The following LUZP2 variants were observed in gnomAD, a reference collection of about 807,000 sequenced individuals.
LUZP2 encodes the protein leucine zipper protein 2.
A neutral mutation model predicts 51.6 loss-of-function variants in LUZP2; 52 were observed. The observed-to-expected ratio is 1.01, with a 90% CI of 0.81 to 1.27. LUZP2 has a LOEUF of 1.27. LUZP2 is among the 50% of genes most tolerant of loss of function. The pLI is 0.00. For synonymous variants in LUZP2, 154 were observed against 137.3 expected (o/e 1.12, Z -0.85); for missense variants, 436 against 395.4 (o/e 1.10, Z -0.87).
At chr11:24,791,723 C>A (rs867465143) in intron 5 of LUZP2, among the ~76,000 whole-genome samples, 1 of 151,882 alleles carries the variant, frequency 6.6e-6, no homozygotes, top group African/African-American at 2.4e-5. Context: ...CAGTTATTTT[C>A]TTTTATAGGA....
intron 9 of LUZP2, among the ~76,000 whole-genome samples, chr11:25,030,367 T>A (rs190620378): frequency 5.9e-4 from 90 of 152,300 alleles, no homozygotes; most frequent in African/African-American, 2.1e-3. Flanking sequence ...TAATTCAGCT[T>A]TTGCTCTTAT....
At chr11:24,837,999 G>A (rs1850908379) in intron 5 of LUZP2, among the ~76,000 whole-genome samples, 2 of 151,598 alleles carry the variant, frequency 1.3e-5, no homozygotes, top group Admixed American at 1.3e-4. Context: ...TATTAAACAT[G>A]TATATATCAG....
At chr11:24,603,575 G>T (rs1215945676) in intron 1 of LUZP2, among the ~76,000 whole-genome samples, 2 of 146,532 alleles carry the variant, frequency 1.4e-5, no homozygotes, top group Non-Finnish European at 3.1e-5. Flanking sequence ...TTATAAAATG[G>T]TACAGATATA....
At chr11:25,055,650 C>T (rs187329109) in intron 10 of LUZP2, among the ~76,000 whole-genome samples, 180 of 152,134 alleles carry the variant, frequency 1.2e-3, no homozygotes, top group African/African-American at 4.1e-3. Flanking sequence ...TATCTAATTT[C>T]GCTTATCAGT....
At chr11:24,796,551 G>A (rs1849551168) in intron 5 of LUZP2, among the ~76,000 whole-genome samples, 1 of 145,218 alleles carries the variant, frequency 6.9e-6, no homozygotes. Context: ...AAGGGATAGA[G>A]GAAAAAAAGA....
intron 1 of LUZP2, among the ~76,000 whole-genome samples, chr11:24,635,187 TA>T (rs11307499): frequency 0.12 from 18,228 of 150,970 alleles, 1,389 homozygotes; most frequent in East Asian, 0.28. Context: ...TAAATACAAA[TA>T]AAAAAAAATT....
chr11:24,531,445 A>G (rs1850996138), intron 1 of LUZP2, among the ~76,000 whole-genome samples: 1 of 150,920 alleles, frequency 6.6e-6, no homozygotes, highest in African/African-American at 2.4e-5. Flanking sequence ...AACATTCAAA[A>G]TTCATTCTCC....
intron 7 of LUZP2, among the ~76,000 whole-genome samples, chr11:24,946,583 G>C (rs1477018333): frequency 6.6e-6 from 1 of 151,692 alleles, no homozygotes; most frequent in Non-Finnish European, 1.5e-5. Context: ...TTTATTTCTA[G>C]TGAAGAATAG....
At chr11:24,550,745 T>C (rs1024820204) in intron 1 of LUZP2, among the ~76,000 whole-genome samples, 1 of 152,100 alleles carries the variant, frequency 6.6e-6, no homozygotes, top group Non-Finnish European at 1.5e-5. Flanking sequence ...GAAAGGAACA[T>C]TGACCTTCCA....
At chr11:24,768,657 C>T (rs75155405) in intron 5 of LUZP2, among the ~76,000 whole-genome samples, 12,189 of 151,976 alleles carry the variant, frequency 0.08, 1,050 homozygotes, top group African/African-American at 0.22. Context: ...AAAAATACTC[C>T]CAACATCACT....
chr11:24,936,999 G>C (rs1167043076), intron 7 of LUZP2, among the ~76,000 whole-genome samples: 1 of 151,658 alleles, frequency 6.6e-6, no homozygotes, highest in East Asian at 1.9e-4. Flanking sequence ...AACTGCTTTT[G>C]TATTTTTGGT....
chr11:24,902,836 C>T (rs1202470877), intron 5 of LUZP2, among the ~76,000 whole-genome samples: 3 of 151,842 alleles, frequency 2.0e-5, no homozygotes, highest in Non-Finnish European at 4.4e-5. Flanking sequence ...TTCAAAATTT[C>T]CCCTTAGTGT....
chr11:24,559,197 A>T (rs1478023869), intron 1 of LUZP2, among the ~76,000 whole-genome samples: 1 of 152,200 alleles, frequency 6.6e-6, no homozygotes, highest in East Asian at 1.9e-4. Context: ...CTAAATAGAA[A>T]TAAAAAATAA....
chr11:24,662,200 A>G lies in LUZP2; in HGVS notation c.63-66969A>G, dbSNP rs192365720. On this transcript the variant is annotated intron_variant, in intron 1 of 11. Transcript: ENST00000336930. The stretch of plus-strand genomic sequence containing the variant: ...TTAAACAAGGAGTTAGTAAGCAAAT[A>G]AGAGACATTAAAACAAGCACTATTC... 3.3e-5 allele frequency among the ~76,000 whole-genome samples: 5 copies of G among 152,302 alleles called. No individual in the cohort carries two copies. The East Asian group carries it at 9.6e-4, about 29-fold the overall frequency.
rs137876843 is a variant in LUZP2, at chr11:25,051,843, G to C, written c.858+1713G>C. On this transcript the variant is annotated intron_variant, in intron 10 of 11. Coordinates refer to ENST00000336930, the MANE Select transcript of LUZP2 (RefSeq NM_001009909.4). ...AAAATAGAAAATTTATGTGTGGTTT[G>C]CTAGGATTCCTCAAAGCAACATTCT... 2.6e-3 allele frequency among the ~76,000 whole-genome samples: 395 copies of C among 152,248 alleles called. 3 individuals carry two copies. The highest frequency in any genetic ancestry group is 9.0e-3 in the African/African-American group (373 of 41,554).
intron 1 of LUZP2, among the ~76,000 whole-genome samples, chr11:24,566,308 T>A (rs920017450): frequency 1.6e-5 from 2 of 128,898 alleles, no homozygotes; most frequent in African/African-American, 5.9e-5. Flanking sequence ...ATTTATTTAT[T>A]TATTGTATTA....
At position 25,082,110 on chromosome 11, in the gene LUZP2, G is replaced by A. The variant is rs1859473311; in HGVS notation, c.*3452G>A. The A allele has an allele frequency of 6.6e-6, 1 of 152,504 alleles. No homozygotes were observed. Among genetic ancestry groups the A allele is most frequent in the African/African-American group, 2.4e-5 (1 of 41,406 alleles). The allele number at this position is 152,504 out of a possible 1,614,324, so 9.4% of individuals were successfully genotyped here. A position where few individuals can be genotyped will look rare whatever the true frequency, so the allele number is the denominator to read the frequency against. On this transcript the variant is annotated 3_prime_UTR_variant, in exon 12 of 12. Coordinates refer to ENST00000336930, the MANE Select transcript of LUZP2 (RefSeq NM_001009909.4). ...AAGTGAATAATTCAGTCATTCATCT[G>A]GATGTAGTTTTCTGTGTAATCTCAA...
intron 1 of LUZP2, among the ~76,000 whole-genome samples, chr11:24,504,589 C>G (rs993829949): frequency 6.6e-6 from 1 of 152,114 alleles, no homozygotes; most frequent in African/African-American, 2.4e-5. Flanking sequence ...GGGCACATAG[C>G]TGTGCCTTGT....
At chr11:24,605,572 G>T (rs1853888691) in intron 1 of LUZP2, among the ~76,000 whole-genome samples, 1 of 151,476 alleles carries the variant, frequency 6.6e-6, no homozygotes, top group African/African-American at 2.4e-5. Context: ...TTATTTTATT[G>T]AATGGACATT....
Sources: gnomAD v4.1 joint callset for allele counts (sites outside exome capture counted in the v4.1 genomes callset) on GRCh38, gnomAD v4.1.1 for gene constraint, MANE v1.5 for transcripts, NCBI Gene and HGNC (gene_info 2026-07-23, HGNC 2026-07-21) for gene names.